The following SIK3 variants were observed in gnomAD, a reference collection of about 807,000 sequenced individuals.
SIK3 encodes serine/threonine-protein kinase SIK3.
A neutral mutation model predicts 144.2 loss-of-function variants in SIK3; 28 were observed. That is an observed-to-expected ratio of 0.19 (90% CI 0.14 to 0.27). SIK3 has a LOEUF of 0.27. SIK3 is among the 10% of genes least tolerant of loss of function. The pLI is 1.00. For missense variants in SIK3, 1,319 were observed against 1,776.0 expected (o/e 0.74, Z 4.62); for synonymous variants, 686 against 676.3 (o/e 1.01, Z -0.22).
chr11:117,073,743 G>A (rs1038112866), intron 1 of SIK3, among the ~76,000 whole-genome samples: 5 of 152,160 alleles, frequency 3.3e-5, no homozygotes, highest in Non-Finnish European at 7.3e-5. Flanking sequence ...TCTACTCCCA[G>A]TTGTAAGATG....
intron 6 of SIK3, among the ~76,000 whole-genome samples, chr11:116,892,412 C>A (rs1945175611): frequency 6.6e-6 from 1 of 152,098 alleles, no homozygotes; most frequent in African/African-American, 2.4e-5. Context: ...GACCAATAGA[C>A]CTGAAGAGAC....
chr11:117,020,234 T>TGC (rs1300454602), intron 1 of SIK3, among the ~76,000 whole-genome samples: 4 of 145,526 alleles, frequency 2.7e-5, no homozygotes, highest in Admixed American at 6.8e-5. Flanking sequence ...TGTGTATATG[T>TGC]GCATATATAT....
intron 4 of SIK3, among the ~76,000 whole-genome samples, chr11:116,917,541 C>A (rs1247826675): frequency 6.6e-6 from 1 of 151,866 alleles, no homozygotes; most frequent in African/African-American, 2.4e-5. Flanking sequence ...AGTCCCATCT[C>A]CACAAAAAAT....
Position 116,846,563 on chromosome 11 carries a change from CA to C in SIK3, c.3953-11del. The C allele has an allele frequency of 6.2e-7, 1 of 1,613,610 alleles. No individual in the cohort carries two copies. Among genetic ancestry groups the C allele is most frequent in the Non-Finnish European group, 8.5e-7 (1 of 1,179,814 alleles). On this transcript the variant is annotated splice_polypyrimidine_tract_variant and intron_variant, in intron 23 of 24. Transcript: ENST00000445177. The surrounding 1 kb of genome is among the most constrained non-coding windows in gnomAD (Gnocchi z 4.1). Reference sequence around the variant, plus strand: ...AGGCTTGCCCCACATTCTGCAAGACCAAAAAGAACGTATGAGGTTGGCAGGG... The same window carrying C: ...AGGCTTGCCCCACATTCTGCAAGACCAAAAGAACGTATGAGGTTGGCAGGG...
chr11:116,948,557 G>C (rs910257541), intron 3 of SIK3, among the ~76,000 whole-genome samples: 1 of 152,156 alleles, frequency 6.6e-6, no homozygotes, highest in Non-Finnish European at 1.5e-5. Context: ...GATTATAGGC[G>C]TGAGTCACCA....
chr11:117,069,777 A>G (rs1954185176), intron 1 of SIK3, among the ~76,000 whole-genome samples: 1 of 152,136 alleles, frequency 6.6e-6, no homozygotes, highest in Non-Finnish European at 1.5e-5. Flanking sequence ...ATTCAGAAAA[A>G]CATTTAAGTC....
chr11:116,882,452 C>G (rs773451111), intron 6 of SIK3, among the ~76,000 whole-genome samples: 25 of 152,232 alleles, frequency 1.6e-4, no homozygotes, highest in Admixed American at 7.8e-4. Context: ...CAGGCTGATC[C>G]TATGAAGGAG....
In SIK3 at chr11:116,965,848, T is replaced by C. The variant is rs575207823; in HGVS notation, c.274-8784A>G. The stretch of plus-strand genomic sequence containing the variant: ...TACTTGGGAGACTAAGGCAGGAGAA[T>C]CGCCTGAACCTGGGAGGTGGAGGTT... On this transcript the variant is annotated intron_variant, in intron 1 of 24. Transcript: ENST00000445177. Among the ~76,000 whole-genome samples, 17 of 141,038 alleles carry C rather than the reference T, an allele frequency of 1.2e-4. No individual in the cohort carries two copies. The East Asian group carries it at 3.1e-3, about 26-fold the overall frequency. The allele number at this position is 141,038 out of a possible 152,430, so 92.5% of individuals were successfully genotyped here. A position where few individuals can be genotyped will look rare whatever the true frequency, so the allele number is the denominator to read the frequency against.
intron 1 of SIK3, among the ~76,000 whole-genome samples, chr11:116,967,531 C>A (rs1017345451): frequency 1.3e-5 from 2 of 152,172 alleles, no homozygotes; most frequent in African/African-American, 4.8e-5. Flanking sequence ...GTAGCAGGAG[C>A]TGAGTGAACC....
chr11:116,893,524 A>C (rs1260487412), intron 6 of SIK3, among the ~76,000 whole-genome samples: 3 of 151,686 alleles, frequency 2.0e-5, no homozygotes, highest in Non-Finnish European at 4.4e-5. Flanking sequence ...CAAAAAAAAA[A>C]ATTAGTCAGG....
At chr11:117,037,249 G>A (rs1952546423) in intron 1 of SIK3, among the ~76,000 whole-genome samples, 1 of 152,106 alleles carries the variant, frequency 6.6e-6, no homozygotes, top group East Asian at 1.9e-4. Context: ...CTGAGAGTTA[G>A]GAAATCTTCT....
Position 116,861,306 on chromosome 11 carries a change from G to A in SIK3, c.2393C>T (p.Pro798Leu). Residue 798 changes from proline to leucine, a missense_variant, in exon 19 of 25, where the codon CCC becomes CTC. By Grantham distance (98) the Pro-to-Leu change is moderately conservative. This residue lies in a region of SIK3 where 646 missense variants were observed against 763.7 expected (regional missense o/e 0.85). Coordinates refer to ENST00000445177, the MANE Select transcript of SIK3 (RefSeq NM_001366686.3). The part of the protein sequence containing the change: ...HLFRQPSNSP[P>L]PMSSAMIQPH... ...CTGGATCATGGCACTGCTCATGGGG[G>A]GAGGACTATTACTGGGCTGCCTGAA... is the stretch of plus-strand genomic sequence containing the variant. 1 of 1,595,030 alleles carries A rather than the reference G, an allele frequency of 6.3e-7. No homozygotes were observed. Among genetic ancestry groups the A allele is most frequent in the Non-Finnish European group, 8.5e-7 (1 of 1,174,402 alleles).
intron 6 of SIK3, among the ~76,000 whole-genome samples, chr11:116,880,930 C>T (rs1281019599): frequency 6.6e-6 from 1 of 152,052 alleles, no homozygotes; most frequent in Non-Finnish European, 1.5e-5. Flanking sequence ...TCGAGACCAG[C>T]CTGGCCAACA....
chr11:116,938,332 G>T (rs182926850), intron 3 of SIK3, among the ~76,000 whole-genome samples: 44 of 28,082 alleles, frequency 1.6e-3, no homozygotes, highest in Non-Finnish European at 2.0e-3. Flanking sequence ...AAAAGGAAAA[G>T]GAAAAGAAGG....
At chr11:116,966,456 G>A (rs550673681) in intron 1 of SIK3, among the ~76,000 whole-genome samples, 8 of 152,078 alleles carry the variant, frequency 5.3e-5, no homozygotes, top group East Asian at 3.9e-4. Flanking sequence ...TATCCAAAAC[G>A]TTATGTTTCA....
chr11:116,893,102 A>G (rs542846650), intron 6 of SIK3, among the ~76,000 whole-genome samples: 2 of 152,330 alleles, frequency 1.3e-5, no homozygotes, highest in South Asian at 4.1e-4. Flanking sequence ...GGGGCAGTGA[A>G]ACAATTTTAT....
At chr11:117,003,463 A>G (rs549381298) in intron 1 of SIK3, among the ~76,000 whole-genome samples, 1 of 152,284 alleles carries the variant, frequency 6.6e-6, no homozygotes, top group African/African-American at 2.4e-5. Context: ...AGTACCTCAT[A>G]AGGTTGTTCT....
chr11:117,038,727 A>G (rs1378181548), intron 1 of SIK3, among the ~76,000 whole-genome samples: 1 of 151,968 alleles, frequency 6.6e-6, no homozygotes, highest in Non-Finnish European at 1.5e-5. Context: ...TCTTCCCCAC[A>G]GATGCATCAA....
In SIK3 at chr11:117,039,253, G is replaced by A. The variant is rs536988481; in HGVS notation, c.273+58890C>T. Among the ~76,000 whole-genome samples the A allele has an allele frequency of 8.4e-4, 128 of 152,212 alleles. 1 individual carries two copies. Among genetic ancestry groups the A allele is most frequent in the African/African-American group, 2.9e-3 (122 of 41,536 alleles). On this transcript the variant is annotated intron_variant, in intron 1 of 24. Coordinates refer to ENST00000445177, the MANE Select transcript of SIK3 (RefSeq NM_001366686.3). ...CTATTGTCTTCATATTACAAACACC[G>A]AAAATAAAGCTCAACAATGAAAAAA...
Sources: gnomAD v4.1 joint callset for allele counts (sites outside exome capture counted in the v4.1 genomes callset) on GRCh38, gnomAD v4.1.1 for gene constraint, gnomAD v4.1.1 regional missense constraint, Gnocchi (gnomAD v3.1) non-coding constraint, MANE v1.5 for transcripts, NCBI Gene and HGNC (gene_info 2026-07-23, HGNC 2026-07-21) for gene names.